GRIN2A: variants seen among roughly 807,000 people sequenced by gnomAD.
The protein encoded by GRIN2A is glutamate ionotropic receptor NMDA type subunit 2A, also known as glutamate receptor ionotropic, NMDA 2A.
GRIN2A carries 22 observed loss-of-function variants against 113.4 expected under a neutral mutation model. The observed-to-expected ratio is 0.19, with a 90% confidence interval of 0.14 to 0.28. The LOEUF is 0.28. Among genes scored for constraint, GRIN2A ranks in the 10% least tolerant of loss-of-function variants. GRIN2A has a pLI of 1.00. For missense variants in GRIN2A, 1,502 were observed against 1,887.0 expected, an observed-to-expected ratio of 0.80 and a Z score of 3.78; for synonymous variants, 827 against 738.4, an observed-to-expected ratio of 1.12 and a Z score of -1.94.
chr16:9,981,912 C>T (rs1206692318), intron 2 of GRIN2A, among the ~76,000 whole-genome samples: 3 of 152,016 alleles, frequency 2.0e-5, no homozygotes, highest in South Asian at 4.1e-4. Flanking sequence ...TCAGCCTCCT[C>T]AGTAGCTGGG....
intron 4 of GRIN2A, among the ~76,000 whole-genome samples, chr16:9,878,133 C>G (rs1487856770): frequency 6.6e-6 from 1 of 152,062 alleles, no homozygotes; most frequent in Non-Finnish European, 1.5e-5. Context: ...ATTTATACCA[C>G]CTGTCAGCTT....
rs745459147 is a variant in GRIN2A at position 9,763,275 on chromosome 16, A to G, written c.4269T>C (p.Tyr1423=). 8 of 1,614,068 alleles carry G rather than the reference A, an allele frequency of 5.0e-6. No homozygotes were observed. Among genetic ancestry groups the G allele is most frequent in the Non-Finnish European group, 6.8e-6 (8 of 1,180,040 alleles). ...CATAAGGCATAACATGCTCCGAAAT[A>G]TACACATCATTGTGGCCCCGACTGT... ...SRDSRGHNDV[Y]ISEHVMPYAA... Residue 1423 remains tyrosine, a synonymous_variant, in exon 13 of 13, where the codon TAT becomes TAC. Transcript: ENST00000330684.
intron 3 of GRIN2A, among the ~76,000 whole-genome samples, chr16:9,908,752 G>A (rs767207107): frequency 2.0e-5 from 3 of 152,232 alleles, no homozygotes; most frequent in Admixed American, 6.5e-5. Flanking sequence ...CCTCACGTCA[G>A]TACGATGAGA....
rs146983787 is a variant in GRIN2A, at chr16:10,103,306, T to C, written c.414+76692A>G. On this transcript the variant is annotated intron_variant, in intron 2 of 12. Coordinates refer to ENST00000330684, the MANE Select transcript of GRIN2A (RefSeq NM_001134407.3). ...CCATCACTGAAAGAAACAACACACT[T>C]GGGGATGGGGGAGTGGCTCTCCTTG... Among the ~76,000 whole-genome samples the C allele has an allele frequency of 2.0e-5, 3 of 152,186 alleles. No homozygotes were observed. The East Asian group carries it at 5.8e-4, about 29-fold the overall frequency.
At chr16:10,059,823 C>T (rs1254956857) in intron 2 of GRIN2A, among the ~76,000 whole-genome samples, 2 of 151,720 alleles carry the variant, frequency 1.3e-5, no homozygotes, top group South Asian at 2.1e-4. Context: ...ATTTTAGATT[C>T]GTGAATGAGT....
chr16:10,135,338 T>A (rs938253435), intron 2 of GRIN2A, among the ~76,000 whole-genome samples: 1 of 152,226 alleles, frequency 6.6e-6, no homozygotes, highest in African/African-American at 2.4e-5. Flanking sequence ...TTCATGATGA[T>A]TTAGGTAGTC....
Position 9,822,347 on chromosome 16 carries a change from C to G in GRIN2A, c.2085G>C (p.Arg695=), listed in dbSNP as rs9806806. 0.27 allele frequency: 434,124 copies of G among 1,609,860 alleles called. 62,557 individuals carry two copies. Among genetic ancestry groups the G allele is most frequent in the African/African-American group, 0.5 (37,747 of 74,782 alleles). Residue 695 remains arginine (R), a synonymous_variant, in exon 10 of 13, where the codon CGG becomes CGC. Coordinates refer to ENST00000330684, the MANE Select transcript of GRIN2A (RefSeq NM_001134407.3). ...ACTGATGCATGTAGGGATAGTTATT[C>G]CGAATGTTTCTCTCCGTGCTTCCAT... ...VPNGSTERNI[R]NNYPYMHQYM...
intron 2 of GRIN2A, among the ~76,000 whole-genome samples, chr16:9,956,231 T>C (rs2045307172): frequency 6.6e-6 from 1 of 152,246 alleles, no homozygotes; most frequent in Admixed American, 6.5e-5. Flanking sequence ...GTTTTCTGTT[T>C]TTGTTTCTGT....
At chr16:10,112,617 A>G in intron 2 of GRIN2A, 1 of 770,014 alleles carries the variant, frequency 1.3e-6, no homozygotes, top group Non-Finnish European at 2.4e-6. Context: ...GTACTGGGGC[A>G]TGGGCTCGCT....
chr16:9,789,504 A>G (rs1158961848), intron 11 of GRIN2A, among the ~76,000 whole-genome samples: 1 of 152,032 alleles, frequency 6.6e-6, no homozygotes, highest in Non-Finnish European at 1.5e-5. Context: ...GTCTGAGTTT[A>G]GAGAATTTGG....
At chr16:10,033,314 C>T (rs901348304) in intron 2 of GRIN2A, among the ~76,000 whole-genome samples, 5 of 152,108 alleles carry the variant, frequency 3.3e-5, no homozygotes, top group African/African-American at 7.2e-5. Flanking sequence ...GTATGATGGG[C>T]CTGTGTTACC....
At chr16:9,925,683 A>C (rs1225806815) in intron 3 of GRIN2A, among the ~76,000 whole-genome samples, 1 of 152,154 alleles carries the variant, frequency 6.6e-6, no homozygotes, top group Non-Finnish European at 1.5e-5. Context: ...CCCAATATTC[A>C]GGGTCTTAAA....
intron 2 of GRIN2A, among the ~76,000 whole-genome samples, chr16:10,070,518 T>TAA (rs144755324): frequency 1.5e-4 from 23 of 151,630 alleles, no homozygotes; most frequent in Non-Finnish European, 1.5e-5. Flanking sequence ...TAATTACAGT[T>TAA]AAAAAAAAAT....
chr16:9,842,488 A>C (rs940165791), intron 5 of GRIN2A, among the ~76,000 whole-genome samples: 2 of 152,220 alleles, frequency 1.3e-5, no homozygotes, highest in Admixed American at 6.5e-5. Context: ...CTAAGCACTA[A>C]AGTGATGTCT....
chr16:9,852,738 G>A (rs1184589751), intron 4 of GRIN2A, among the ~76,000 whole-genome samples: 1 of 152,050 alleles, frequency 6.6e-6, no homozygotes, highest in African/African-American at 2.4e-5. Flanking sequence ...CTACTAAATC[G>A]TATATACCAG....
At chr16:9,929,534 T>C (rs749661967) in intron 3 of GRIN2A, among the ~76,000 whole-genome samples, 1 of 152,212 alleles carries the variant, frequency 6.6e-6, no homozygotes, top group East Asian at 1.9e-4. Context: ...ATTACTGTAA[T>C]GCAAGTCACC....
chr16:9,873,705 C>T lies in GRIN2A; in HGVS notation c.1122+17281G>A, dbSNP rs556253044. Among the ~76,000 whole-genome samples, 4 of 152,320 alleles carry T rather than the reference C, an allele frequency of 2.6e-5. No homozygotes were observed. In the South Asian group the frequency reaches 8.3e-4, roughly 32 times the overall value. On this transcript the variant is annotated intron_variant, in intron 4 of 12. Coordinates refer to ENST00000330684, the MANE Select transcript of GRIN2A (RefSeq NM_001134407.3). The stretch of plus-strand genomic sequence containing the variant: ...CGTCTCTAAATCTTAGTCTCTTCAC[C>T]TATTAAAAGCAGGTAAATGTTTCTG...
intron 2 of GRIN2A, among the ~76,000 whole-genome samples, chr16:9,992,002 G>A (rs994436179): frequency 6.6e-6 from 1 of 152,062 alleles, no homozygotes; most frequent in African/African-American, 2.4e-5. Context: ...AACCACCATG[G>A]CACATGTATA....
At chr16:10,056,831 T>A (rs1286461370) in intron 2 of GRIN2A, among the ~76,000 whole-genome samples, 2 of 152,136 alleles carry the variant, frequency 1.3e-5, no homozygotes, top group Non-Finnish European at 2.9e-5. Context: ...GCCAGAACCT[T>A]GATTTTGAAC....
Sources: gnomAD v4.1 joint callset for allele counts (sites outside exome capture counted in the v4.1 genomes callset) on GRCh38, gnomAD v4.1.1 for gene constraint, MANE v1.5 for transcripts, NCBI Gene and HGNC (gene_info 2026-07-23, HGNC 2026-07-21) for gene names.